The following SATB2 variants were observed in gnomAD, a reference collection of about 807,000 sequenced individuals.
The protein encoded by SATB2 is SATB homeobox 2.
Under a neutral mutation model 73.4 loss-of-function variants are expected in SATB2, and 1 was observed. The observed-to-expected ratio is 0.01, with a 90% confidence interval of 0.00 to 0.06. The LOEUF (loss-of-function observed/expected upper bound fraction) is 0.06, where lower values mean the gene tolerates loss of function less well. Ranked by LOEUF, SATB2 falls within the 10% of genes least tolerant of loss-of-function variation. The pLI, the probability that SATB2 is intolerant of heterozygous loss-of-function variation, is 1.00. For missense variants in SATB2, 459 were observed against 945.8 expected (o/e 0.49, Z 6.75); for synonymous variants, 397 against 367.0 (o/e 1.08, Z -0.93).
chr2:199,276,377 T>G (rs80026169), intron 10 of SATB2, among the ~76,000 whole-genome samples: 1,961 of 152,298 alleles, frequency 0.013, 22 homozygotes, highest in Non-Finnish European at 0.018. Flanking sequence ...TGTTTTGTTT[T>G]TTGTCTGAAT....
At chr2:199,412,308 G>C (rs949681295) in intron 3 of SATB2, among the ~76,000 whole-genome samples, 1 of 152,208 alleles carries the variant, frequency 6.6e-6, no homozygotes, top group Non-Finnish European at 1.5e-5. Context: ...AGTCCTGACT[G>C]AGCACTTCTG....
At chr2:199,349,957 A>G (rs1688765477) in intron 6 of SATB2, among the ~76,000 whole-genome samples, 1 of 152,138 alleles carries the variant, frequency 6.6e-6, no homozygotes, top group Admixed American at 6.5e-5. Context: ...TTTCCCTAAA[A>G]TAATGTCTTA....
intron 10 of SATB2, among the ~76,000 whole-genome samples, chr2:199,281,395 T>C (rs1225165631): frequency 6.6e-6 from 1 of 151,864 alleles, no homozygotes; most frequent in Non-Finnish European, 1.5e-5. Context: ...TGTCCCTCTA[T>C]GACAAGCCTC....
At chr2:199,324,014 T>C in intron 8 of SATB2, 56 bp from the exon 9 acceptor site, 1 of 1,592,660 alleles carries the variant, frequency 6.3e-7, no homozygotes. Context: ...AGCCCAGCCA[T>C]CTGTGCAGAA....
intron 3 of SATB2, among the ~76,000 whole-genome samples, chr2:199,424,428 G>C (rs1019642978): frequency 6.6e-6 from 1 of 152,030 alleles, no homozygotes; most frequent in East Asian, 1.9e-4. Flanking sequence ...GGAAGTCCCC[G>C]ACAGCTCTGG....
intron 3 of SATB2, among the ~76,000 whole-genome samples, chr2:199,402,126 C>T (rs536139758): frequency 1.3e-5 from 2 of 152,234 alleles, no homozygotes; most frequent in South Asian, 4.1e-4. Flanking sequence ...GTGGCTCACA[C>T]CCGTAATCCC....
At chr2:199,343,335 C>A (rs1688560950) in intron 7 of SATB2, among the ~76,000 whole-genome samples, 1 of 152,144 alleles carries the variant, frequency 6.6e-6, no homozygotes, top group African/African-American at 2.4e-5. Flanking sequence ...AGATCATGAA[C>A]TATTTCTGGA....
chr2:199,466,848 A>G (rs1414970858), upstream of SATB2, among the ~76,000 whole-genome samples: 3 of 152,358 alleles, frequency 2.0e-5, no homozygotes, highest in Non-Finnish European at 2.9e-5. Flanking sequence ...ATGTTCCCCA[A>G]GCCTGGCTTT....
At chr2:199,348,450 C>T (rs1020140714) in intron 7 of SATB2, 3 of 498,100 alleles carry the variant, frequency 6.0e-6, no homozygotes, top group African/African-American at 5.8e-5. Context: ...TCATTAGTAA[C>T]ATTTGGGGTC....
intron 3 of SATB2, among the ~76,000 whole-genome samples, chr2:199,408,428 A>T (rs1690701698): frequency 6.6e-6 from 1 of 152,222 alleles, no homozygotes; most frequent in Non-Finnish European, 1.5e-5. Context: ...CACTATTGTG[A>T]ACATCTGCTA....
At chr2:199,279,236 G>A (rs1374089745) in intron 10 of SATB2, among the ~76,000 whole-genome samples, 3 of 152,128 alleles carry the variant, frequency 2.0e-5, no homozygotes, top group Non-Finnish European at 4.4e-5. Flanking sequence ...ATTATAATAT[G>A]GACACATGTT....
Position 199,348,815 on chromosome 2 carries a change from T to C in SATB2, c.1059A>G (p.Pro353=), listed in dbSNP as rs1277703220. Residue 353 remains proline, a synonymous_variant, in exon 7 of 11, where the codon CCA becomes CCG. Coordinates refer to ENST00000417098, the MANE Select transcript of SATB2 (RefSeq NM_001172509.2). The part of the protein sequence containing the change: ...PPIPRAVKPE[P]TNSSVEVSPD... The stretch of plus-strand genomic sequence containing the variant: ...GAGAGACTTCCACGGAAGAGTTGGT[T>C]GGCTCTGGCTTAACTGCTCTGGGGA... The C allele has an allele frequency of 6.2e-7, 1 of 1,613,200 alleles. No homozygotes were observed. The highest frequency in any genetic ancestry group is 8.5e-7 in the Non-Finnish European group (1 of 1,179,172).
intron 9 of SATB2, among the ~76,000 whole-genome samples, chr2:199,309,860 CA>C (rs1687546964): frequency 6.6e-6 from 1 of 152,168 alleles, no homozygotes; most frequent in South Asian, 2.1e-4. Context: ...GGTGCATAAA[CA>C]CGAATGACTT....
intron 3 of SATB2, among the ~76,000 whole-genome samples, chr2:199,413,383 T>C (rs1410945337): frequency 6.6e-6 from 1 of 152,188 alleles, no homozygotes; most frequent in Non-Finnish European, 1.5e-5. Flanking sequence ...TATTCTTTCA[T>C]TAAACAAACC....
upstream of SATB2, chr2:199,458,127 T>C (rs1692347633): frequency 1.3e-5 from 2 of 149,306 alleles, no homozygotes; most frequent in African/African-American, 5.3e-5. Context: ...CTCTGGATTA[T>C]TTCGGGATGG....
intron 5 of SATB2, among the ~76,000 whole-genome samples, chr2:199,375,550 C>T (rs1316259430): frequency 6.6e-6 from 1 of 152,178 alleles, no homozygotes; most frequent in Admixed American, 6.5e-5. Flanking sequence ...CAAAACTGCT[C>T]TTTTGAACTT....
intron 5 of SATB2, among the ~76,000 whole-genome samples, chr2:199,375,393 G>A (rs1051956768): frequency 1.3e-5 from 2 of 152,114 alleles, no homozygotes; most frequent in Non-Finnish European, 1.5e-5. Context: ...AAATAAATAC[G>A]CAGACACACA....
chr2:199,331,140 T>C (rs1053698518), intron 7 of SATB2, among the ~76,000 whole-genome samples: 2 of 151,948 alleles, frequency 1.3e-5, no homozygotes, highest in African/African-American at 2.4e-5. Context: ...TAATGGACCA[T>C]GGCTCAAAAT....
chr2:199,421,067 A>C (rs1021554111), intron 3 of SATB2, among the ~76,000 whole-genome samples: 7 of 152,172 alleles, frequency 4.6e-5, no homozygotes, highest in African/African-American at 1.4e-4. Context: ...CCAGTATCTG[A>C]GGATAGGCCT....
Sources: gnomAD v4.1 joint callset for allele counts (sites outside exome capture counted in the v4.1 genomes callset) on GRCh38, gnomAD v4.1.1 for gene constraint, MANE v1.5 for transcripts, NCBI Gene and HGNC (gene_info 2026-07-23, HGNC 2026-07-21) for gene names.